MPO: variants seen among roughly 807,000 people sequenced by gnomAD.
The protein encoded by MPO is myeloperoxidase.
A neutral mutation model predicts 69.4 loss-of-function variants in MPO; 57 were observed. The observed-to-expected ratio is 0.82, with a 90% CI of 0.66 to 1.02. The LOEUF (loss-of-function observed/expected upper bound fraction) is 1.02. Among genes scored for constraint, MPO ranks in the 50% least tolerant of loss-of-function variants. The probability of loss-of-function intolerance (pLI) is 0.00; values close to 1 mark genes in which losing one functional copy is unlikely to be tolerated. For synonymous variants in MPO, 426 were observed against 417.1 expected, an observed-to-expected ratio of 1.02 and a Z score of -0.26; for missense variants, 971 against 1,014.1, an observed-to-expected ratio of 0.96 and a Z score of 0.58.
At position 58,270,952 on chromosome 17, in the gene MPO, C is replaced by A; in HGVS notation, c.2031-89G>T. 5 of 1,468,856 alleles carry A rather than the reference C, an allele frequency of 3.4e-6. No homozygotes were observed. Among genetic ancestry groups the A allele is most frequent in the Non-Finnish European group, 3.8e-6 (4 of 1,057,158 alleles). The allele number at this position is 1,468,856 out of a possible 1,614,324, so 91.0% of individuals were successfully genotyped here. On this transcript the variant is annotated intron_variant, in intron 11 of 11. Transcript: ENST00000225275. The surrounding 1 kb of genome is among the most constrained non-coding windows in gnomAD (Gnocchi z 4.1). ...GGCTTGTGCTGCTCCCAGGATATAACAAAGCCACAACAAATGCCACCTGGA... is the reference window on the plus strand; with the variant it reads ...GGCTTGTGCTGCTCCCAGGATATAAAAAAGCCACAACAAATGCCACCTGGA...
Position 58,280,785 on chromosome 17 carries a change from C to G in MPO, c.-27G>C. ...TCTCTTCTCCTGGGCTGCTCAATCC[C>G]CCTTTGTACCTCAGCCCCACCTCAG... On this transcript the variant is annotated 5_prime_UTR_variant, in exon 1 of 12. Coordinates refer to ENST00000225275, the MANE Select transcript of MPO (RefSeq NM_000250.2). The G allele has an allele frequency of 6.2e-7, 1 of 1,613,644 alleles. No homozygotes were observed. The highest frequency in any genetic ancestry group is 8.5e-7 in the Non-Finnish European group (1 of 1,179,810).
intron 2 of MPO, 117 bp from the exon 3 acceptor site, chr17:58,280,131 G>C: frequency 2.2e-6 from 3 of 1,371,540 alleles, no homozygotes; most frequent in Admixed American, 3.7e-5. Context: ...TGGGAGGAAG[G>C]CTTCCTTTTA....
Position 58,275,477 on chromosome 17 carries a change from C to A in MPO, c.1365+65G>T. The A allele has an allele frequency of 1.2e-6, 2 of 1,608,346 alleles. No individual in the cohort carries two copies. The highest frequency in any genetic ancestry group is 2.2e-5 in the South Asian group (2 of 90,852). Reference sequence around the variant, plus strand: ...GGAGCGTTAGGAACTTGCCCAAGGTCACACAGCTAGGATGTTGCAGGGACA... The same window carrying A: ...GGAGCGTTAGGAACTTGCCCAAGGTAACACAGCTAGGATGTTGCAGGGACA... On this transcript the variant is annotated intron_variant, in intron 8 of 11. Transcript: ENST00000225275. This position sits in a 1 kb window ranked among gnomAD's most constrained non-coding sequence, Gnocchi z 4.1.
intron 9 of MPO, among the ~76,000 whole-genome samples, 164 bp from the exon 10 acceptor site, chr17:58,273,082 C>T (rs1428193251): frequency 3.9e-5 from 6 of 152,104 alleles, no homozygotes; most frequent in East Asian, 3.9e-4. Flanking sequence ...AGGTCCTCAC[C>T]GGTCACTACA....
At chr17:58,272,034 G>A in intron 10 of MPO, 142 bp from the exon 11 acceptor site, 1 of 873,552 alleles carries the variant, frequency 1.1e-6, no homozygotes, top group Non-Finnish European at 1.8e-6. Context: ...GTCATAGAGG[G>A]AGGGAAGGAC....
chr17:58,280,158 C>T, intron 2 of MPO, 144 bp from the exon 3 acceptor site: 2 of 1,152,558 alleles, frequency 1.7e-6, no homozygotes, highest in Non-Finnish European at 2.5e-6. Flanking sequence ...GGATATGGAC[C>T]TGGGTGTCCA....
Position 58,280,634 on chromosome 17 carries a change from G to T in MPO, c.125C>A (p.Thr42Lys), listed in dbSNP as rs763418933. Residue 42 changes from threonine (T) to lysine (K), a missense_variant, in exon 1 of 12, where the codon ACG becomes AAG. Coordinates refer to ENST00000225275, the MANE Select transcript of MPO (RefSeq NM_000250.2). ...ALAGLLAILA[T>K]PQPSEGAAPA... ...AGCAGCACCTTCAGAGGGCTGGGGC[G>T]TGGCCAGAATGGCCAGGAGCCCTGC... The T allele has an allele frequency of 1.9e-6, 3 of 1,614,216 alleles. No individual in the cohort carries two copies.
rs143233283 is a variant in MPO at position 58,277,953 on chromosome 17, G to C, written c.1078C>G (p.Leu360Val). ...ARNLRNMSNQ[L>V]GLLAVNQRFQ... ...CGCTGGTTGACGGCCAGCAGCCCCA[G>C]CTGGTTGGACATGTTGCGCAGGTTC... The change falls in exon 7 of 12, where the codon CTG (leucine) becomes GTG (valine). Residue 360 changes from leucine to valine, a missense_variant. Leu to Val is a conservative substitution (Grantham distance 32, BLOSUM62 1). Coordinates refer to ENST00000225275, the MANE Select transcript of MPO (RefSeq NM_000250.2). 8 of 1,613,500 alleles carry C rather than the reference G, an allele frequency of 5.0e-6. No homozygotes were observed. Among genetic ancestry groups the C allele is most frequent in the Non-Finnish European group, 6.8e-6 (8 of 1,180,030 alleles).
Position 58,275,922 on chromosome 17 carries a change from G to T in MPO, c.1205-220C>A, listed in dbSNP as rs1970431433. Among the ~76,000 whole-genome samples, 1 of 152,188 alleles carries T rather than the reference G, an allele frequency of 6.6e-6. No individual in the cohort carries two copies. Reference sequence around the variant, plus strand: ...TCTGCCTCAGCTCAGGGCCGCTGCTGGTTGGGGATGCTCATTCAATAGGTA... The same window carrying T: ...TCTGCCTCAGCTCAGGGCCGCTGCTTGTTGGGGATGCTCATTCAATAGGTA... On this transcript the variant is annotated intron_variant, in intron 7 of 11. Coordinates refer to ENST00000225275, the MANE Select transcript of MPO (RefSeq NM_000250.2). The surrounding 1 kb of genome is among the most constrained non-coding windows in gnomAD (Gnocchi z 4.1).
rs558838925 is a variant in MPO, at chr17:58,273,558, C to T, written c.1477G>A (p.Val493Ile). Residue 493 changes from valine (V) to isoleucine (I), a missense_variant, in exon 9 of 12, where the codon GTC becomes ATC. By Grantham distance (29) the Val-to-Ile change is conservative. Transcript: ENST00000225275. ...CCGTAGCGGAAGGCATTGGTGAAGA[C>T]GTTGGCGATGCGTGGGTCCACTGAG... The part of the protein sequence containing the change: ...NDSVDPRIAN[V>I]FTNAFRYGHT... 21 of 1,614,214 alleles carry T rather than the reference C, an allele frequency of 1.3e-5. No homozygotes were observed. Among genetic ancestry groups the T allele is most frequent in the South Asian group, 1.1e-4 (10 of 91,082 alleles).
intron 2 of MPO, 44 bp downstream of exon 2, chr17:58,280,322 C>T (rs540435602): frequency 6.3e-7 from 1 of 1,597,472 alleles, no homozygotes; most frequent in African/African-American, 1.3e-5. Context: ...TCTGAAAGGC[C>T]TGGGACATCC....
rs746387343 is a variant in MPO, at chr17:58,275,339, C to T, written c.1365+203G>A. ...AAGAAGACTGCAGGGAGCAAACCTGCGAAGAAGGAGAGGGAAGGGAAGGAG... is the reference window on the plus strand; with the variant it reads ...AAGAAGACTGCAGGGAGCAAACCTGTGAAGAAGGAGAGGGAAGGGAAGGAG... On this transcript the variant is annotated intron_variant, in intron 8 of 11. Transcript: ENST00000225275. The surrounding 1 kb of genome is among the most constrained non-coding windows in gnomAD (Gnocchi z 4.1). Among the ~76,000 whole-genome samples, 53 of 152,036 alleles carry T rather than the reference C, an allele frequency of 3.5e-4. No individual in the cohort carries two copies. The highest frequency in any genetic ancestry group is 2.4e-3 in the Admixed American group (37 of 15,264).
At chr17:58,276,933 A>C (rs1471693594) in intron 7 of MPO, among the ~76,000 whole-genome samples, 1 of 152,040 alleles carries the variant, frequency 6.6e-6, no homozygotes, top group Non-Finnish European at 1.5e-5. Flanking sequence ...ATGGTAAAAC[A>C]CCATCTCTAC....
intron 3 of MPO, 28 bp downstream of exon 3, chr17:58,279,811 G>C: frequency 6.2e-7 from 1 of 1,613,940 alleles, no homozygotes; most frequent in Non-Finnish European, 8.5e-7. Context: ...AGTGGAGCAG[G>C]GACCTGGGGT....
intron 7 of MPO, among the ~76,000 whole-genome samples, chr17:58,276,935 C>A (rs989088356): frequency 2.0e-5 from 3 of 152,006 alleles, no homozygotes; most frequent in Admixed American, 2.0e-4. Context: ...GGTAAAACAC[C>A]ATCTCTACTA....
At position 58,273,564 on chromosome 17, in the gene MPO, C is replaced by CGATGCG; in HGVS notation, c.1465_1470dup (p.Arg489_Ile490dup). ...CGGAAGGCATTGGTGAAGACGTTGG[C>CGATGCG]GATGCGTGGGTCCACTGAGTCATTG... is the stretch of plus-strand genomic sequence containing the variant. On this transcript the variant is annotated inframe_insertion, in exon 9 of 12. Transcript: ENST00000225275. 1 of 1,614,216 alleles carries CGATGCG rather than the reference C, an allele frequency of 6.2e-7. No homozygotes were observed. Among genetic ancestry groups the CGATGCG allele is most frequent in the African/African-American group, 1.3e-5 (1 of 75,058 alleles).
At chr17:58,279,258 C>A (rs776778737) in intron 5 of MPO, 39 bp downstream of exon 5, 2 of 1,566,776 alleles carry the variant, frequency 1.3e-6, no homozygotes, top group Non-Finnish European at 1.7e-6. Context: ...CCGCGCACCG[C>A]GTGGCCGGGC....
chr17:58,278,886 G>GA, intron 6 of MPO, 122 bp downstream of exon 6: 1 of 1,172,890 alleles, frequency 8.5e-7, no homozygotes, highest in Non-Finnish European at 1.2e-6. Context: ...TGGACACAAG[G>GA]GAGGCAGGGC....
At chr17:58,276,731 A>G (rs1223312157) in intron 7 of MPO, among the ~76,000 whole-genome samples, 1 of 152,196 alleles carries the variant, frequency 6.6e-6, no homozygotes, top group Non-Finnish European at 1.5e-5. Flanking sequence ...CCAGCCAGGG[A>G]GAGACCAGCA....
Sources: allele counts gnomAD v4.1 joint callset (sites outside exome capture counted in the v4.1 genomes callset), GRCh38; gene constraint gnomAD v4.1.1; non-coding constraint Gnocchi (gnomAD v3.1); transcripts MANE v1.5; gene names NCBI Gene and HGNC (gene_info 2026-07-23, HGNC 2026-07-21).